ADAMTS9: variants seen among roughly 807,000 people sequenced by gnomAD.
ADAMTS9 encodes the protein ADAM metallopeptidase with thrombospondin type 1 motif 9, also known as A disintegrin and metalloproteinase with thrombospondin motifs 9.
In ADAMTS9, 107 loss-of-function variants were observed where a neutral mutation model predicts 257.1. That is an observed-to-expected ratio of 0.42 (90% CI 0.36 to 0.49). The LOEUF is 0.49. Ranked by LOEUF, ADAMTS9 falls within the 20% of genes least tolerant of loss-of-function variation. ADAMTS9 has a pLI of 0.03. For missense variants in ADAMTS9, 2,353 were observed against 2,469.1 expected (o/e 0.95, Z 1.00); for synonymous variants, 982 against 880.9 (o/e 1.11, Z -2.03).
At chr3:64,682,135 C>A (rs1161639658) in intron 2 of ADAMTS9, among the ~76,000 whole-genome samples, 1 of 152,126 alleles carries the variant, frequency 6.6e-6, no homozygotes, top group African/African-American at 2.4e-5. Flanking sequence ...AGCCAGATTG[C>A]CCTAGGTTCC....
At chr3:64,549,536 A>G (rs1472076879) in intron 31 of ADAMTS9, among the ~76,000 whole-genome samples, 1 of 152,136 alleles carries the variant, frequency 6.6e-6, no homozygotes, top group East Asian at 1.9e-4. Context: ...CAATGTCGTA[A>G]AGATCAGAAC....
intron 9 of ADAMTS9, chr3:64,650,005 T>TG: frequency 2.1e-6 from 1 of 474,510 alleles, no homozygotes; most frequent in Non-Finnish European, 3.7e-6. Flanking sequence ...CAGTAGGAAA[T>TG]ATACACCTGT....
intron 6 of ADAMTS9, 35 bp downstream of exon 6, chr3:64,655,541 G>C (rs1205056263): frequency 9.1e-6 from 14 of 1,539,074 alleles, no homozygotes; most frequent in Non-Finnish European, 1.2e-5. Context: ...CTTGACCTGA[G>C]ACTGAAAGAT....
In ADAMTS9 at chr3:64,568,464, T is replaced by C. The variant is rs1285072042; in HGVS notation, c.4428A>G (p.Leu1476=). 8.1e-6 allele frequency: 13 copies of C among 1,614,208 alleles called. No individual in the cohort carries two copies. The highest frequency in any genetic ancestry group is 1.1e-5 in the Non-Finnish European group (13 of 1,180,008). ...CCAGGTGCTTACAGTAATCACTTTC[T>C]AAATGGCTTCCATCTTTTGCCATGC... The part of the protein sequence containing the change: ...VYCMAKDGSH[L]ESDYCKHLAK... The change falls in exon 29 of 40, where the codon TTA becomes TTG. Residue 1476 remains leucine (L), a synonymous_variant. Transcript: ENST00000498707.
At chr3:64,519,757 T>C (rs1031403386) in intron 39 of ADAMTS9, among the ~76,000 whole-genome samples, 5 of 152,038 alleles carry the variant, frequency 3.3e-5, no homozygotes, top group African/African-American at 1.2e-4. Flanking sequence ...CCCTTCATGA[T>C]AAAAACCTAC....
At chr3:64,597,086 A>T (rs1029244516) in intron 26 of ADAMTS9, 95 bp from the exon 27 acceptor site, 22 of 1,481,658 alleles carry the variant, frequency 1.5e-5, no homozygotes, top group Non-Finnish European at 1.9e-5. Context: ...ATGTGCTGAA[A>T]AGCATTCTCA....
intron 22 of ADAMTS9, among the ~76,000 whole-genome samples, chr3:64,610,799 G>A (rs755934063): frequency 5.9e-5 from 9 of 151,998 alleles, no homozygotes; most frequent in Non-Finnish European, 8.8e-5. Flanking sequence ...ACCCAGAGCC[G>A]GGCACGGTGT....
intron 30 of ADAMTS9, among the ~76,000 whole-genome samples, chr3:64,558,508 T>C (rs2083371439): frequency 6.6e-6 from 1 of 152,132 alleles, no homozygotes; most frequent in East Asian, 1.9e-4. Flanking sequence ...CCTCACATTG[T>C]ATAAAAATGG....
At chr3:64,549,518 G>T (rs188269686) in intron 31 of ADAMTS9, among the ~76,000 whole-genome samples, 288 of 152,250 alleles carry the variant, frequency 1.9e-3, no homozygotes, top group Non-Finnish European at 3.4e-3. Context: ...GGCTGGCCAA[G>T]AGCAAATCAA....
chr3:64,668,090 G>T (rs1701393436), intron 3 of ADAMTS9, among the ~76,000 whole-genome samples: 1 of 152,146 alleles, frequency 6.6e-6, no homozygotes, highest in Non-Finnish European at 1.5e-5. Context: ...GGTGCCAACT[G>T]CCCACAGACA....
intron 32 of ADAMTS9, 101 bp downstream of exon 32, chr3:64,546,657 T>A: frequency 7.8e-7 from 1 of 1,284,456 alleles, no homozygotes; most frequent in African/African-American, 1.5e-5. Flanking sequence ...GGGTTTCTCC[T>A]GGAAGTAGAG....
intron 28 of ADAMTS9, among the ~76,000 whole-genome samples, chr3:64,569,369 T>A (rs2083621957): frequency 6.6e-6 from 1 of 152,192 alleles, no homozygotes; most frequent in Non-Finnish European, 1.5e-5. Flanking sequence ...GATCATAAGC[T>A]GCTGGCTCGG....
chr3:64,666,596 T>C (rs1701358950), intron 3 of ADAMTS9, among the ~76,000 whole-genome samples: 1 of 152,174 alleles, frequency 6.6e-6, no homozygotes, highest in Non-Finnish European at 1.5e-5. Context: ...CTTTCTTGTG[T>C]CATTTCCTTC....
In ADAMTS9 at chr3:64,537,588, G is replaced by A. The variant is rs538780927; in HGVS notation, c.5613+1615C>T. Among the ~76,000 whole-genome samples the A allele has an allele frequency of 6.6e-5, 10 of 152,208 alleles. 1 individual carries two copies. The highest frequency in any genetic ancestry group is 2.2e-4 in the African/African-American group (9 of 41,530). On this transcript the variant is annotated intron_variant, in intron 37 of 39. Coordinates refer to ENST00000498707, the MANE Select transcript of ADAMTS9 (RefSeq NM_182920.2). ...TTCTAAAGCTTGAGGCCGAAAAAACGCCTCGTTAAAACAACGTTCAGATGT... is the reference window on the plus strand; with the variant it reads ...TTCTAAAGCTTGAGGCCGAAAAAACACCTCGTTAAAACAACGTTCAGATGT...
intron 30 of ADAMTS9, among the ~76,000 whole-genome samples, chr3:64,556,714 T>TTTCA (rs2083339168): frequency 7.2e-6 from 1 of 138,106 alleles, no homozygotes; most frequent in Non-Finnish European, 1.6e-5. Context: ...TCTATGTTTT[T>TTTCA]TTCCTTCCTT....
intron 31 of ADAMTS9, among the ~76,000 whole-genome samples, chr3:64,547,237 G>C (rs996875533): frequency 4.6e-5 from 7 of 152,146 alleles, no homozygotes; most frequent in African/African-American, 1.2e-4. Context: ...GGAGGAGGAG[G>C]GGGAGGTGCT....
At chr3:64,628,757 C>T (rs1021478671) in intron 16 of ADAMTS9, among the ~76,000 whole-genome samples, 1 of 152,134 alleles carries the variant, frequency 6.6e-6, no homozygotes, top group African/African-American at 2.4e-5. Flanking sequence ...CAAGCTAACC[C>T]CATTCTCCAT....
chr3:64,647,432 A>T (rs1323377300), intron 11 of ADAMTS9, among the ~76,000 whole-genome samples: 1 of 152,202 alleles, frequency 6.6e-6, no homozygotes, highest in Non-Finnish European at 1.5e-5. Context: ...GCTCACGAGA[A>T]CTTGGATTTG....
chr3:64,655,103 C>G (rs181811191), intron 6 of ADAMTS9, among the ~76,000 whole-genome samples: 1 of 152,214 alleles, frequency 6.6e-6, no homozygotes, highest in Non-Finnish European at 1.5e-5. Flanking sequence ...GGAGGTTTCA[C>G]ATTTTTAAAA....
Sources: gnomAD v4.1 joint callset for allele counts (sites outside exome capture counted in the v4.1 genomes callset) on GRCh38, gnomAD v4.1.1 for gene constraint, MANE v1.5 for transcripts, NCBI Gene and HGNC (gene_info 2026-07-23, HGNC 2026-07-21) for gene names.